Variants in PEBP4 observed in about 807,000 individuals in gnomAD.
The protein encoded by PEBP4 is phosphatidylethanolamine-binding protein 4.
A neutral mutation model predicts 23.9 loss-of-function variants in PEBP4; 22 were observed. The observed-to-expected ratio is 0.92, with a 90% CI of 0.66 to 1.31. The LOEUF (loss-of-function observed/expected upper bound fraction) is 1.31, where lower values mean the gene tolerates loss of function less well. PEBP4 is among the 40% of genes most tolerant of loss of function. The probability of loss-of-function intolerance (pLI) is 0.00; values close to 1 mark genes in which losing one functional copy is unlikely to be tolerated. For synonymous variants in PEBP4, 112 were observed against 99.3 expected (o/e 1.13, Z -0.76); for missense variants, 324 against 281.7 (o/e 1.15, Z -1.07).
intron 4 of PEBP4, among the ~76,000 whole-genome samples, chr8:22,763,301 C>T (rs542349142): frequency 1.6e-4 from 24 of 152,256 alleles, no homozygotes; most frequent in Admixed American, 6.5e-4. Context: ...CACTGTTGCC[C>T]GCCGGAAGAA....
At chr8:22,899,610 G>A (rs1808670371) in intron 3 of PEBP4, among the ~76,000 whole-genome samples, 1 of 152,166 alleles carries the variant, frequency 6.6e-6, no homozygotes, top group Admixed American at 6.5e-5. Flanking sequence ...AGCAGCACCT[G>A]GCAGTGGTGC....
chr8:22,727,169 A>G lies in PEBP4; in HGVS notation c.403+6T>C, dbSNP rs769033505. On this transcript the variant is annotated splice_donor_region_variant and intron_variant, in intron 5 of 6. Transcript: ENST00000256404. ...TGGGGGAAGGGGTCCCTAGGGTCTT[A>G]CTCACCTGATAACTCCTGGCCCTGA... The G allele has an allele frequency of 6.2e-6, 10 of 1,613,592 alleles. No homozygotes were observed. The Admixed American group carries it at 1.7e-4, about 27-fold the overall frequency.
intron 4 of PEBP4, among the ~76,000 whole-genome samples, chr8:22,804,128 A>G (rs186238410): frequency 6.6e-6 from 1 of 152,294 alleles, no homozygotes; most frequent in African/African-American, 2.4e-5. Flanking sequence ...CCAGTGGTTC[A>G]AGAGCAACCT....
intron 4 of PEBP4, among the ~76,000 whole-genome samples, chr8:22,787,120 AGCTAAGG>A: frequency 6.6e-6 from 1 of 152,200 alleles, no homozygotes; most frequent in Non-Finnish European, 1.5e-5. Flanking sequence ...CACTGTGCCC[AGCTAAGG>A]GCTGGTCCCT....
intron 1 of PEBP4, among the ~76,000 whole-genome samples, chr8:22,939,674 G>A: frequency 6.6e-6 from 1 of 151,696 alleles, no homozygotes; most frequent in Admixed American, 6.6e-5. Context: ...ATTCATGGTG[G>A]CAATGATGGG....
intron 3 of PEBP4, among the ~76,000 whole-genome samples, chr8:22,877,779 G>A (rs2128771565): frequency 6.6e-6 from 1 of 152,294 alleles, no homozygotes; most frequent in African/African-American, 2.4e-5. Flanking sequence ...AACATGAGCT[G>A]CTTACATAAA....
chr8:22,747,815 G>T, intron 4 of PEBP4, among the ~76,000 whole-genome samples: 1 of 152,190 alleles, frequency 6.6e-6, no homozygotes, highest in East Asian at 1.9e-4. Flanking sequence ...GGCCATAAAA[G>T]TCTCCCGGAA....
intron 4 of PEBP4, among the ~76,000 whole-genome samples, chr8:22,728,265 C>T (rs1295216944): frequency 2.6e-5 from 4 of 152,112 alleles, no homozygotes; most frequent in Non-Finnish European, 5.9e-5. Flanking sequence ...GAACTAAAGT[C>T]CTACTCGCTC....
intron 3 of PEBP4, among the ~76,000 whole-genome samples, chr8:22,905,284 T>A (rs28692941): frequency 0.17 from 25,014 of 147,862 alleles, 2,095 homozygotes; most frequent in Middle Eastern, 0.21. Context: ...CCTTTTTTTT[T>A]AAAAAAAAAA....
At chr8:22,808,985 T>C (rs1806559514) in intron 4 of PEBP4, among the ~76,000 whole-genome samples, 1 of 152,218 alleles carries the variant, frequency 6.6e-6, no homozygotes, top group Non-Finnish European at 1.5e-5. Flanking sequence ...TTTAAAGCGA[T>C]AACCACACAG....
intron 4 of PEBP4, among the ~76,000 whole-genome samples, chr8:22,742,143 C>T (rs1343891923): frequency 6.6e-6 from 1 of 152,186 alleles, no homozygotes; most frequent in Non-Finnish European, 1.5e-5. Context: ...CTAGGCTGTG[C>T]CATGGGAAGC....
At chr8:22,793,327 C>T (rs1431332681) in intron 4 of PEBP4, among the ~76,000 whole-genome samples, 3 of 152,092 alleles carry the variant, frequency 2.0e-5, no homozygotes, top group African/African-American at 7.2e-5. Context: ...AGTGCAGTGG[C>T]ATGATCTTGG....
At chr8:22,827,247 C>A (rs1419725104) in intron 3 of PEBP4, among the ~76,000 whole-genome samples, 1 of 152,138 alleles carries the variant, frequency 6.6e-6, no homozygotes, top group African/African-American at 2.4e-5. Flanking sequence ...GTATAGTTTA[C>A]ATATAATAAA....
chr8:22,912,021 G>A (rs1281205775), intron 3 of PEBP4, among the ~76,000 whole-genome samples: 1 of 152,132 alleles, frequency 6.6e-6, no homozygotes, highest in African/African-American at 2.4e-5. Flanking sequence ...CGGACTGGGG[G>A]TGGCGGATTG....
In PEBP4 at chr8:22,845,369, CAA is replaced by C. The variant is rs34601804; in HGVS notation, c.259-27636_259-27635del. ...GACAACATACCAGGACGCATCTCTA[CAA>C]AAAAAAAAAAAAAAATTGCTGGGTG... On this transcript the variant is annotated intron_variant, in intron 3 of 6. Transcript: ENST00000256404. 4.0e-3 allele frequency among the ~76,000 whole-genome samples: 529 copies of C among 132,986 alleles called. 1 individual carries two copies. The highest frequency in any genetic ancestry group is 9.6e-3 in the African/African-American group (337 of 35,094). The allele number at this position is 132,986 out of a possible 152,430, so 87.2% of individuals were successfully genotyped here.
At chr8:22,814,138 G>A (rs769693537) in intron 4 of PEBP4, among the ~76,000 whole-genome samples, 1 of 152,180 alleles carries the variant, frequency 6.6e-6, no homozygotes, top group Non-Finnish European at 1.5e-5. Context: ...TAACAACAGT[G>A]TGAAGTAGGC....
At chr8:22,726,841 A>G (rs73671268) in intron 5 of PEBP4, among the ~76,000 whole-genome samples, 16,700 of 137,424 alleles carry the variant, frequency 0.12, 2,626 homozygotes, top group African/African-American at 0.37. Flanking sequence ...CTCCTGGGGC[A>G]GGGATCTGAG....
chr8:22,715,810 G>C (rs1804404716), intron 6 of PEBP4, among the ~76,000 whole-genome samples: 1 of 152,210 alleles, frequency 6.6e-6, no homozygotes, highest in Non-Finnish European at 1.5e-5. Context: ...CCTGTTTCCT[G>C]CCACAGAGGG....
chr8:22,934,272 T>A (rs1459153980), intron 1 of PEBP4, among the ~76,000 whole-genome samples: 1 of 152,200 alleles, frequency 6.6e-6, no homozygotes, highest in Non-Finnish European at 1.5e-5. Context: ...TTAGTGGGTA[T>A]ATAATAATGT....
Sources: gnomAD v4.1 joint callset for allele counts (sites outside exome capture counted in the v4.1 genomes callset) on GRCh38, gnomAD v4.1.1 for gene constraint, MANE v1.5 for transcripts, NCBI Gene and HGNC (gene_info 2026-07-23, HGNC 2026-07-21) for gene names.